Variants in ALDH3B2 observed in about 807,000 individuals in gnomAD.
ALDH3B2 encodes aldehyde dehydrogenase 3 family member B2, also known as aldehyde dehydrogenase family 3 member B2.
ALDH3B2 carries 45 observed loss-of-function variants against 36.7 expected under a neutral mutation model. The observed-to-expected ratio is 1.23, with a 90% confidence interval of 0.97 to 1.57. The LOEUF (loss-of-function observed/expected upper bound fraction) is 1.57, where lower values mean the gene tolerates loss of function less well. Ranked by LOEUF, ALDH3B2 falls within the 40% of genes most tolerant of loss-of-function variation. The probability of loss-of-function intolerance (pLI) is 0.00; values close to 1 mark genes in which losing one functional copy is unlikely to be tolerated. For synonymous variants in ALDH3B2, 217 were observed against 226.5 expected (o/e 0.96, Z 0.38); for missense variants, 464 against 513.3 (o/e 0.90, Z 0.93).
upstream of ALDH3B2, among the ~76,000 whole-genome samples, chr11:67,678,973 T>C (rs1291516397): frequency 6.6e-6 from 1 of 151,952 alleles, no homozygotes; most frequent in South Asian, 2.1e-4. Flanking sequence ...GGAGCTAAGC[T>C]ATGAGGACGC....
chr11:67,674,859 C>T (rs1856230480), upstream of ALDH3B2: 1 of 152,234 alleles, frequency 6.6e-6, no homozygotes, highest in Admixed American at 6.5e-5. Flanking sequence ...AGGGAGTTAC[C>T]TGATCAGGAA....
At position 67,674,182 on chromosome 11, in the gene ALDH3B2, G is replaced by C. The variant is rs539985365; in HGVS notation, c.-245+255C>G. On this transcript the variant is annotated intron_variant, in intron 1 of 9. Coordinates refer to ENST00000349015, the Ensembl canonical transcript of ALDH3B2. ...CATCCCTGGGGCTCCTGGGGAACAG[G>C]CTTCATTTCTGTGGCTGCTTCCCAG... Among the ~76,000 whole-genome samples the C allele has an allele frequency of 1.7e-3, 257 of 152,294 alleles. 2 individuals are homozygous for C. The highest frequency in any genetic ancestry group is 6.0e-3 in the African/African-American group (249 of 41,562).
exon 9 of ALDH3B2, chr11:67,663,729 G>A (rs4646826): frequency 6.2e-6 from 10 of 1,612,812 alleles, no homozygotes; most frequent in Admixed American, 5.0e-5. Context: ...CAAAGCTGCC[G>A]CTGCTGGTCC....
At chr11:67,666,759 T>G in intron 3 of ALDH3B2, 65 bp from the exon 4 acceptor site, 1 of 1,609,794 alleles carries the variant, frequency 6.2e-7, no homozygotes, top group South Asian at 1.1e-5. Context: ...CACTGCACAC[T>G]TGGGGCCTCA....
chr11:67,666,543 G>C, intron 4 of ALDH3B2, 31 bp downstream of exon 4: 1 of 1,613,326 alleles, frequency 6.2e-7, no homozygotes, highest in Non-Finnish European at 8.5e-7. Context: ...ACTGGGCGGG[G>C]AGAGCATGGG....
At chr11:67,679,377 A>C (rs4930475), upstream of ALDH3B2, among the ~76,000 whole-genome samples, 1,350 of 151,906 alleles carry the variant, frequency 8.9e-3, 28 homozygotes, top group African/African-American at 0.031. Context: ...AGGCTGAGGC[A>C]GGAGAATTAC....
intron 1 of ALDH3B2, among the ~76,000 whole-genome samples, chr11:67,669,089 G>T (rs1052775925): frequency 6.6e-6 from 1 of 151,504 alleles, no homozygotes; most frequent in Non-Finnish European, 1.5e-5. Context: ...TCGTGTGTCC[G>T]TGTGTCTTTG....
intron 1 of ALDH3B2, among the ~76,000 whole-genome samples, chr11:67,671,548 C>CTTTT (rs1363475750): frequency 7.2e-5 from 10 of 139,236 alleles, no homozygotes; most frequent in Non-Finnish European, 1.4e-4. Context: ...CCTCCCCCCC[C>CTTTT]TTTTTTTTTT....
intron 7 of ALDH3B2, among the ~76,000 whole-genome samples, chr11:67,665,078 G>A (rs1337532449): frequency 6.6e-6 from 1 of 152,196 alleles, no homozygotes; most frequent in Non-Finnish European, 1.5e-5. Flanking sequence ...AGTGAATCCA[G>A]GGCTGAGGGA....
At chr11:67,664,087 C>G (rs1463176611) in intron 8 of ALDH3B2, 1 of 559,238 alleles carries the variant, frequency 1.8e-6, no homozygotes, top group African/African-American at 1.9e-5. Context: ...CTATCAGGCC[C>G]CTGCTCTGCT....
In ALDH3B2 at chr11:67,669,080, C is replaced by T. The variant is rs574152732; in HGVS notation, c.-244-1445G>A. Among the ~76,000 whole-genome samples, 6 of 132,142 alleles carry T rather than the reference C, an allele frequency of 4.5e-5. No homozygotes were observed. In the East Asian group the frequency reaches 1.5e-3, roughly 33 times the overall value. 86.7% of individuals were successfully genotyped at this position (132,142 alleles called of 152,430 possible). A position where few individuals can be genotyped will look rare whatever the true frequency, so the allele number is the denominator to read the frequency against. On this transcript the variant is annotated intron_variant, in intron 1 of 9. Coordinates refer to ENST00000349015, the Ensembl canonical transcript of ALDH3B2. ...GCGTGTATGGGTGTCTGTGTGTCTT[C>T]GTGTGTCCGTGTGTCTTTGTGTGTC...
At chr11:67,666,790 C>G in intron 3 of ALDH3B2, 96 bp from the exon 4 acceptor site, 1 of 1,608,712 alleles carries the variant, frequency 6.2e-7, no homozygotes, top group Non-Finnish European at 8.5e-7. Flanking sequence ...CGATGGAATC[C>G]CAGGAGAGAC....
exon 1 of ALDH3B2, chr11:67,674,480 C>G (rs1340164745): frequency 6.5e-6 from 1 of 154,696 alleles, no homozygotes; most frequent in Non-Finnish European, 1.4e-5. Context: ...CACCTCCACT[C>G]CCTTTCTTGG....
At chr11:67,666,488 A>C (rs972571452) in intron 4 of ALDH3B2, 86 bp downstream of exon 4, 7 of 1,603,394 alleles carry the variant, frequency 4.4e-6, no homozygotes, top group Non-Finnish European at 8.5e-7. Flanking sequence ...TGTGAGGCCC[A>C]GGGTACCTCA....
At chr11:67,680,786 C>T (rs888147439) in intron 1 of ALDH3B2, among the ~76,000 whole-genome samples, 1 of 152,218 alleles carries the variant, frequency 6.6e-6, no homozygotes, top group African/African-American at 2.4e-5. Flanking sequence ...TCATGGCATT[C>T]TGAAGACTAG....
Position 67,665,508 on chromosome 11 carries a change from C to T in ALDH3B2, c.483G>A (p.Gln161=), listed in dbSNP as rs746190408. Residue 161 remains glutamine, a synonymous_variant, in exon 7 of 10, where the codon CAG becomes CAA. Coordinates refer to ENST00000349015, the Ensembl canonical transcript of ALDH3B2. ...GGACGTAGTCAGGGGCCACGCAGGT[C>T]TGGCCGGCATTGAAGTAGCAGAACC... The T allele has an allele frequency of 4.0e-5, 64 of 1,613,942 alleles. 1 individual carries two copies. The South Asian group carries it at 7.0e-4, about 18-fold the overall frequency.
upstream of ALDH3B2, among the ~76,000 whole-genome samples, chr11:67,679,623 C>CA (rs951407976): frequency 1.1e-4 from 16 of 149,278 alleles, no homozygotes; most frequent in African/African-American, 4.0e-4. Flanking sequence ...ACTAAAAATA[C>CA]AAAAAATTAG....
rs778602505 is a variant in ALDH3B2, at chr11:67,665,271, G to A, written c.706+14C>T. Reference sequence around the variant, plus strand: ...CTTGGCCCAGGTGGGCTGCGGTAGGGCAGCAGGACTCACCGATGTAGCGAT... The same window carrying A: ...CTTGGCCCAGGTGGGCTGCGGTAGGACAGCAGGACTCACCGATGTAGCGAT... On this transcript the variant is annotated intron_variant, in intron 7 of 9. Transcript: ENST00000349015. The A allele has an allele frequency of 3.2e-6, 5 of 1,586,880 alleles. No individual in the cohort carries two copies. The highest frequency in any genetic ancestry group is 3.4e-6 in the Non-Finnish European group (4 of 1,165,156).
upstream of ALDH3B2, among the ~76,000 whole-genome samples, chr11:67,675,135 C>T (rs905282201): frequency 6.6e-6 from 1 of 152,172 alleles, no homozygotes; most frequent in African/African-American, 2.4e-5. Flanking sequence ...GGAAGGGGCT[C>T]AGATCTTTGC....
Sources: gnomAD v4.1 joint callset for allele counts (sites outside exome capture counted in the v4.1 genomes callset) on GRCh38, gnomAD v4.1.1 for gene constraint, MANE v1.5 for transcripts, NCBI Gene and HGNC (gene_info 2026-07-23, HGNC 2026-07-21) for gene names.